The following OR51B5 variants were observed in gnomAD, a reference collection of about 807,000 sequenced individuals.
The protein encoded by OR51B5 is olfactory receptor family 51 subfamily B member 5.
For synonymous variants in OR51B5, 186 were observed against 144.8 expected, an observed-to-expected ratio of 1.28 and a Z score of -2.04; for missense variants, 456 against 374.6, an observed-to-expected ratio of 1.22 and a Z score of -1.79.
chr11:5,446,690 A>G (rs528317194), intron 1 of OR51B5, among the ~76,000 whole-genome samples: 20 of 152,360 alleles, frequency 1.3e-4, no homozygotes, highest in Admixed American at 2.0e-4. Context: ...CTTATGTTCA[A>G]CAAATAAACA....
chr11:5,368,538 G>A (rs1443629759), intron 1 of OR51B5, among the ~76,000 whole-genome samples: 1 of 152,122 alleles, frequency 6.6e-6, no homozygotes, highest in Non-Finnish European at 1.5e-5. Flanking sequence ...AAGATACTCT[G>A]TCTAGCTCTG....
chr11:5,437,405 G>A (rs1221975745), intron 1 of OR51B5, among the ~76,000 whole-genome samples: 2 of 152,134 alleles, frequency 1.3e-5, no homozygotes, highest in Admixed American at 6.6e-5. Flanking sequence ...TTAAGCCAGA[G>A]AGGATATGAC....
intron 1 of OR51B5, chr11:5,352,305 TC>T (rs1271227419): frequency 1.9e-6 from 3 of 1,614,068 alleles, no homozygotes; most frequent in Non-Finnish European, 2.5e-6. Flanking sequence ...GAAAGCATGT[TC>T]CTCATGTCGT....
At chr11:5,427,228 A>G (rs1187741419) in intron 1 of OR51B5, among the ~76,000 whole-genome samples, 1 of 152,258 alleles carries the variant, frequency 6.6e-6, no homozygotes, top group Non-Finnish European at 1.5e-5. Context: ...ACGCATATGC[A>G]CATTAATAAA....
chr11:5,418,877 T>A (rs201239848), intron 1 of OR51B5, among the ~76,000 whole-genome samples: 129 of 133,592 alleles, frequency 9.7e-4, no homozygotes, highest in East Asian at 1.3e-3. Flanking sequence ...TGAAGTATTA[T>A]AAAAAAAAAA....
At chr11:5,397,150 A>C (rs1480406305) in intron 1 of OR51B5, among the ~76,000 whole-genome samples, 1 of 152,228 alleles carries the variant, frequency 6.6e-6, no homozygotes, top group East Asian at 1.9e-4. Context: ...ATGGGCATGG[A>C]CTTCATGTCT....
chr11:5,480,715 G>A (rs1300692839), intron 1 of OR51B5, among the ~76,000 whole-genome samples: 1 of 150,924 alleles, frequency 6.6e-6, no homozygotes, highest in South Asian at 2.1e-4. Flanking sequence ...TACCATCAGA[G>A]AATACTACAA....
chr11:5,431,381 G>A (rs1047507443), intron 1 of OR51B5: 11 of 245,260 alleles, frequency 4.5e-5, no homozygotes, highest in South Asian at 1.8e-4. Flanking sequence ...ACACAGAGAC[G>A]CCCACCTCAG....
At chr11:5,457,608 C>A (rs972384905) in intron 1 of OR51B5, among the ~76,000 whole-genome samples, 31 of 152,158 alleles carry the variant, frequency 2.0e-4, no homozygotes, top group African/African-American at 6.8e-4. Context: ...GTTCCATTTT[C>A]TCTGCAACCT....
intron 1 of OR51B5, among the ~76,000 whole-genome samples, chr11:5,487,363 A>C (rs191740988): frequency 1.3e-5 from 2 of 152,168 alleles, no homozygotes; most frequent in African/African-American, 4.8e-5. Flanking sequence ...AATTTTGTGA[A>C]GTTAGGTCAG....
intron 1 of OR51B5, among the ~76,000 whole-genome samples, chr11:5,424,981 C>CTAAAAAAA: frequency 3.6e-5 from 3 of 84,442 alleles, no homozygotes; most frequent in Admixed American, 1.3e-4. Flanking sequence ...GACTCCGCCT[C>CTAAAAAAA]AAAAAAAAAA....
At chr11:5,358,596 C>T (rs1019716353) in intron 1 of OR51B5, among the ~76,000 whole-genome samples, 1 of 152,276 alleles carries the variant, frequency 6.6e-6, no homozygotes, top group South Asian at 2.1e-4. Flanking sequence ...CCCTCTGAAA[C>T]TATTCGAATC....
chr11:5,352,233 T>C, intron 1 of OR51B5: 1 of 1,614,176 alleles, frequency 6.2e-7, no homozygotes, highest in East Asian at 2.2e-5. Context: ...GTGTCTCTCA[T>C]ATCTGCTGCA....
intron 1 of OR51B5, chr11:5,453,995 C>T (rs1850906652): frequency 6.2e-7 from 1 of 1,614,036 alleles, no homozygotes; most frequent in Non-Finnish European, 8.5e-7. Flanking sequence ...TGCCTATCTG[C>T]AGATCCAATG....
intron 1 of OR51B5, among the ~76,000 whole-genome samples, chr11:5,408,803 A>G (rs1427996185): frequency 6.6e-6 from 1 of 152,178 alleles, no homozygotes; most frequent in Non-Finnish European, 1.5e-5. Context: ...TTCTGTAGAC[A>G]AGATTTATGA....
At chr11:5,443,016 T>A (rs1322611700) in intron 1 of OR51B5, among the ~76,000 whole-genome samples, 1 of 152,176 alleles carries the variant, frequency 6.6e-6, no homozygotes, top group Admixed American at 6.6e-5. Context: ...GTCTTTTTTT[T>A]AAGCAGCCTC....
At position 5,501,279 on chromosome 11, in the gene OR51B5, A is replaced by C. The variant is rs1027746356; in HGVS notation, n.84+4290T>G. On this transcript the variant is annotated intron_variant and non_coding_transcript_variant, in intron 1 of 4. Transcript: ENST00000415970. The stretch of plus-strand genomic sequence containing the variant: ...GGGCTACAATAAGAACTCCCACCAA[A>C]AGAGGAATGCCTGATTCTGCCCTAC... Among the ~76,000 whole-genome samples, 3 of 147,750 alleles carry C rather than the reference A, an allele frequency of 2.0e-5. 1 individual carries two copies. Among genetic ancestry groups the C allele is most frequent in the African/African-American group, 7.3e-5 (3 of 41,170 alleles).
At chr11:5,342,743 C>T (rs751337907) in exon 1 of OR51B5, 40 of 1,613,558 alleles carry the variant, frequency 2.5e-5, no homozygotes, top group Admixed American at 1.2e-4. Flanking sequence ...CTTTCCAAAA[C>T]GATGAATCAG....
intron 1 of OR51B5, among the ~76,000 whole-genome samples, chr11:5,383,153 A>T (rs2736541): frequency 0.18 from 27,466 of 152,092 alleles, 2,773 homozygotes; most frequent in East Asian, 0.38. Flanking sequence ...AAAGTTTTGT[A>T]AAGGCTACTT....
Sources: allele counts gnomAD v4.1 joint callset (sites outside exome capture counted in the v4.1 genomes callset), GRCh38; gene constraint gnomAD v4.1.1; transcripts MANE v1.5; gene names NCBI Gene and HGNC (gene_info 2026-07-23, HGNC 2026-07-21).